Variants in PLSCR4 observed in about 807,000 individuals in gnomAD.
PLSCR4 encodes the protein phospholipid scramblase 4.
Under a neutral mutation model 36.3 loss-of-function variants are expected in PLSCR4, and 25 were observed. That is an observed-to-expected ratio of 0.69 (90% confidence interval 0.50 to 0.96). The LOEUF (loss-of-function observed/expected upper bound fraction) is 0.96. PLSCR4 is among the 40% of genes least tolerant of loss of function. The probability of loss-of-function intolerance (pLI) is 0.00; values close to 1 mark genes in which losing one functional copy is unlikely to be tolerated. For missense variants in PLSCR4, 408 were observed against 414.7 expected (o/e 0.98, Z 0.14); for synonymous variants, 122 against 132.9 (o/e 0.92, Z 0.56).
At chr3:146,231,995 C>T (rs943299391) in intron 1 of PLSCR4, among the ~76,000 whole-genome samples, 3 of 152,140 alleles carry the variant, frequency 2.0e-5, no homozygotes, top group African/African-American at 7.2e-5. Flanking sequence ...TTAGGTCTTA[C>T]ATTTAAGTCT....
intron 1 of PLSCR4, among the ~76,000 whole-genome samples, chr3:146,244,215 G>A (rs1429652436): frequency 2.0e-5 from 3 of 152,016 alleles, no homozygotes; most frequent in Non-Finnish European, 2.9e-5. Flanking sequence ...GTACGTAAAC[G>A]TTTCATACAC....
chr3:146,194,674 TAA>T (rs531144020), intron 8 of PLSCR4, among the ~76,000 whole-genome samples: 34 of 152,220 alleles, frequency 2.2e-4, no homozygotes, highest in Admixed American at 2.0e-3. Flanking sequence ...ATCTCATCAT[TAA>T]AAAGAGGAAA....
chr3:146,203,636 C>T (rs1421876943), intron 4 of PLSCR4, among the ~76,000 whole-genome samples: 1 of 151,970 alleles, frequency 6.6e-6, no homozygotes, highest in Non-Finnish European at 1.5e-5. Context: ...TTTTTTCCCC[C>T]CTTAAGCCTT....
intron 1 of PLSCR4, among the ~76,000 whole-genome samples, chr3:146,223,987 G>A (rs1292468907): frequency 7.0e-6 from 1 of 142,510 alleles, no homozygotes; most frequent in Non-Finnish European, 1.5e-5. Context: ...TTTATTCTGG[G>A]GCATACCAAA....
intron 3 of PLSCR4, among the ~76,000 whole-genome samples, chr3:146,208,986 A>G (rs766364810): frequency 3.1e-4 from 47 of 152,270 alleles, no homozygotes; most frequent in Admixed American, 1.6e-3. Flanking sequence ...ATTCACTGCT[A>G]TAATACGGAA....
At chr3:146,196,565 G>T in intron 7 of PLSCR4, 67 bp downstream of exon 7, 1 of 1,472,316 alleles carries the variant, frequency 6.8e-7, no homozygotes, top group Non-Finnish European at 9.4e-7. Context: ...TCTACAACCA[G>T]ATCTTTCCAT....
chr3:146,243,784 A>C (rs776778195), intron 1 of PLSCR4, among the ~76,000 whole-genome samples: 1 of 152,176 alleles, frequency 6.6e-6, no homozygotes, highest in East Asian at 1.9e-4. Flanking sequence ...ACATTCTGAA[A>C]AGTCATCCAT....
rs770823235 is a variant in PLSCR4 at position 146,195,269 on chromosome 3, T to G, written c.800A>C (p.Asp267Ala). ...SDSVFEVKSLDGISNIGSIIR... is the reference protein window; with the variant it reads ...SDSVFEVKSLAGISNIGSIIR... ...AATACTGCCGATGTTGGATATGCCA[T>G]CAAGGGATTTGACCTGGAATGACAA... The change falls in exon 8 of 9, where the codon GAT becomes GCT. Residue 267 changes from aspartate (D) to alanine (A), a missense_variant. Transcript: ENST00000354952. 2 of 1,613,270 alleles carry G rather than the reference T, an allele frequency of 1.2e-6. No individual in the cohort carries two copies. The highest frequency in any genetic ancestry group is 4.5e-5 in the East Asian group (2 of 44,834).
intron 3 of PLSCR4, among the ~76,000 whole-genome samples, chr3:146,211,594 T>C (rs572380434): frequency 3.9e-5 from 6 of 152,114 alleles, no homozygotes; most frequent in Non-Finnish European, 7.4e-5. Context: ...CTTTAGAGTG[T>C]CATATCATAT....
intron 1 of PLSCR4, among the ~76,000 whole-genome samples, chr3:146,247,540 T>C (rs1290703102): frequency 7.2e-5 from 11 of 152,208 alleles, no homozygotes; most frequent in Non-Finnish European, 1.2e-4. Flanking sequence ...GCTTTTCATT[T>C]GTCTTCTTTA....
At chr3:146,201,101 C>G (rs766613034) in intron 4 of PLSCR4, 24 bp from the exon 5 acceptor site, 1 of 1,476,744 alleles carries the variant, frequency 6.8e-7, no homozygotes. Flanking sequence ...ACAAAGCAAT[C>G]AGAAGACAGA....
chr3:146,247,955 C>T lies in PLSCR4; in HGVS notation c.-22+3005G>A, dbSNP rs938837279. ...GCAATTAAAAACAATTTTTTTCCAACTTTAGATGTTTTTCTTTTTAAGGAC... is the reference window on the plus strand; with the variant it reads ...GCAATTAAAAACAATTTTTTTCCAATTTTAGATGTTTTTCTTTTTAAGGAC... On this transcript the variant is annotated intron_variant, in intron 1 of 8. Transcript: ENST00000354952. Among the ~76,000 whole-genome samples the T allele has an allele frequency of 5.9e-5, 9 of 152,288 alleles. No homozygotes were observed. In the South Asian group the frequency reaches 1.2e-3, roughly 21 times the overall value.
At chr3:146,201,143 A>G in intron 4 of PLSCR4, 66 bp from the exon 5 acceptor site, 2 of 958,820 alleles carry the variant, frequency 2.1e-6, no homozygotes, top group Non-Finnish European at 3.1e-6. Context: ...CTGTAAAATA[A>G]ACTGATGAAA....
Position 146,227,368 on chromosome 3 carries a change from G to A in PLSCR4, c.-21-5276C>T, listed in dbSNP as rs1033227359. On this transcript the variant is annotated intron_variant, in intron 1 of 8. Transcript: ENST00000354952. ...TAGACAGGACAAGGTTGCTGAGATT[G>A]AGGTTTGCTGCCTTGCAAGGCAGCC... Among the ~76,000 whole-genome samples the A allele has an allele frequency of 1.1e-4, 16 of 152,256 alleles. No individual in the cohort carries two copies. In the Middle Eastern group the frequency reaches 0.01, roughly 97 times the overall value.
chr3:146,200,215 A>G (rs1017680307), intron 5 of PLSCR4, among the ~76,000 whole-genome samples, 176 bp from the exon 6 acceptor site: 1 of 152,100 alleles, frequency 6.6e-6, no homozygotes, highest in African/African-American at 2.4e-5. Context: ...TATTTAAGCA[A>G]TTGTGAAAAT....
intron 3 of PLSCR4, among the ~76,000 whole-genome samples, chr3:146,218,600 T>C (rs964198950): frequency 3.3e-5 from 5 of 152,226 alleles, no homozygotes; most frequent in East Asian, 3.9e-4. Context: ...ATGATGAAAT[T>C]ATATGTGGGA....
At chr3:146,242,093 C>T (rs1004024430) in intron 1 of PLSCR4, among the ~76,000 whole-genome samples, 3 of 152,194 alleles carry the variant, frequency 2.0e-5, no homozygotes, top group African/African-American at 7.2e-5. Flanking sequence ...AGGCAAATGC[C>T]TCATCACACC....
intron 5 of PLSCR4, among the ~76,000 whole-genome samples, chr3:146,200,437 CAA>C (rs1466505445): frequency 6.6e-6 from 1 of 152,004 alleles, no homozygotes; most frequent in Non-Finnish European, 1.5e-5. Context: ...TAATTACAAA[CAA>C]GAGAACAAAC....
At chr3:146,239,925 T>C (rs1435376016) in intron 1 of PLSCR4, among the ~76,000 whole-genome samples, 2 of 151,954 alleles carry the variant, frequency 1.3e-5, no homozygotes, top group Non-Finnish European at 2.9e-5. Flanking sequence ...AAGATAAAGC[T>C]AATAAATGTT....
Sources: gnomAD v4.1 joint callset for allele counts (sites outside exome capture counted in the v4.1 genomes callset) on GRCh38, gnomAD v4.1.1 for gene constraint, MANE v1.5 for transcripts, NCBI Gene and HGNC (gene_info 2026-07-23, HGNC 2026-07-21) for gene names.